Variants in KLRF2 observed in about 807,000 individuals in gnomAD.
The protein encoded by KLRF2 is killer cell lectin like receptor F2.
In KLRF2, 28 loss-of-function variants were observed where a neutral mutation model predicts 25.3. The ratio of observed to expected loss-of-function variants is 1.11; its 90% CI spans 0.82 to 1.52. The LOEUF (loss-of-function observed/expected upper bound fraction) is 1.52, where lower values mean the gene tolerates loss of function less well. KLRF2 is among the 40% of genes most tolerant of loss of function. The pLI is 0.00. For synonymous variants in KLRF2, 73 were observed against 85.0 expected, an observed-to-expected ratio of 0.86 and a Z score of 0.78; for missense variants, 265 against 245.8, an observed-to-expected ratio of 1.08 and a Z score of -0.52.
At chr12:9,888,208 A>C (rs907064373) in intron 2 of KLRF2, among the ~76,000 whole-genome samples, 4 of 151,898 alleles carry the variant, frequency 2.6e-5, no homozygotes, top group African/African-American at 9.7e-5. Context: ...TTAGAATTGC[A>C]GGCCGGGCAT....
chr12:9,890,411 C>T (rs1162253899), intron 3 of KLRF2, among the ~76,000 whole-genome samples: 1 of 152,176 alleles, frequency 6.6e-6, no homozygotes, highest in Non-Finnish European at 1.5e-5. Context: ...GGTTCCTCTT[C>T]CAAGCTCTCT....
At chr12:9,886,375 A>C (rs1040902466) in intron 2 of KLRF2, among the ~76,000 whole-genome samples, 4 of 152,334 alleles carry the variant, frequency 2.6e-5, no homozygotes, top group African/African-American at 7.2e-5. Flanking sequence ...TAAATTAATC[A>C]AAGCACATAG....
At chr12:9,883,812 C>T (rs1868120372) in intron 1 of KLRF2, among the ~76,000 whole-genome samples, 1 of 152,088 alleles carries the variant, frequency 6.6e-6, no homozygotes, top group Admixed American at 6.5e-5. Flanking sequence ...TAATCAAATG[C>T]AGTAAATCCA....
chr12:9,889,846 A>G (rs1358276164), intron 3 of KLRF2, among the ~76,000 whole-genome samples: 5 of 152,114 alleles, frequency 3.3e-5, no homozygotes, highest in African/African-American at 9.7e-5. Flanking sequence ...TTTATATGCT[A>G]TATCAATATA....
chr12:9,887,013 G>GA lies in KLRF2; in HGVS notation c.170-1712dup, dbSNP rs149388986. On this transcript the variant is annotated intron_variant, in intron 2 of 5. Transcript: ENST00000535540. ...TCCCGGAGCACAGAGCAAAATGTCA[G>GA]AAAAAAAACATAAATAAATATAAGA... Among the ~76,000 whole-genome samples the GA allele has an allele frequency of 2.4e-4, 36 of 149,546 alleles. No individual in the cohort carries two copies. The South Asian group carries it at 2.7e-3, about 11-fold the overall frequency.
Position 9,895,715 on chromosome 12 carries a change from A to G in KLRF2, c.506A>G (p.Asp169Gly). ...TTTTCAGTGATTGGACCAACTGATG[A>G]CAGGAGCTGTGCCGTTATCACAGGA... ...ELFSVIGPTD[D>G]RSCAVITGNW... is the part of the protein sequence containing the mutation. Residue 169 changes from aspartate to glycine, a missense_variant, in exon 6 of 6, where the codon GAC becomes GGC. Transcript: ENST00000535540. 1 of 1,534,790 alleles carries G rather than the reference A, an allele frequency of 6.5e-7. No homozygotes were observed. The highest frequency in any genetic ancestry group is 1.2e-5 in the South Asian group (1 of 83,696).
intron 3 of KLRF2, among the ~76,000 whole-genome samples, chr12:9,890,887 C>A (rs1862669098): frequency 6.6e-6 from 1 of 152,186 alleles, no homozygotes; most frequent in Non-Finnish European, 1.5e-5. Flanking sequence ...CAATTCCTAA[C>A]AAAGCTAGCA....
In KLRF2 at chr12:9,893,445, G is replaced by C; in HGVS notation, c.383G>C (p.Ser128Thr). 1.4e-6 allele frequency: 2 copies of C among 1,478,490 alleles called. No homozygotes were observed. The highest frequency in any genetic ancestry group is 1.8e-6 in the Non-Finnish European group (2 of 1,096,552). 91.6% of individuals were successfully genotyped at this position (1,478,490 alleles called of 1,614,324 possible). The change falls in exon 5 of 6, where the codon AGT (serine) becomes ACT (threonine). Residue 128 changes from serine (S) to threonine (T), a missense_variant. By Grantham distance (58) the Ser-to-Thr change is moderately conservative. Coordinates refer to ENST00000535540, the MANE Select transcript of KLRF2 (RefSeq NM_001190765.1). ...NLDELEFIQN[S>T]LKPGHFGWIG... ...CTTCTGCAGGAGTTCATACAGAACA[G>C]TTTAAAACCTGGACATTTTGGTTGG...
intron 5 of KLRF2, among the ~76,000 whole-genome samples, chr12:9,894,171 G>GTTTCTTTC (rs200285327): frequency 1.3e-5 from 1 of 78,598 alleles, no homozygotes; most frequent in Non-Finnish European, 2.5e-5. Flanking sequence ...TTCCTTCTTT[G>GTTTCTTTC]TTTCTTTCTT....
intron 5 of KLRF2, 112 bp from the exon 6 acceptor site, chr12:9,895,577 C>A (rs965258058): frequency 8.0e-6 from 8 of 996,392 alleles, no homozygotes; most frequent in Non-Finnish European, 1.1e-5. Flanking sequence ...AAAACCTCTG[C>A]AAAACTTTGG....
rs532198573 is a variant in KLRF2 at position 9,893,073 on chromosome 12, T to C, written c.271T>C (p.Trp91Arg). 3.9e-6 allele frequency: 6 copies of C among 1,535,766 alleles called. No individual in the cohort carries two copies. In the African/African-American group the frequency reaches 4.1e-5, roughly 10 times the overall value. Residue 91 changes from tryptophan (W) to arginine (R), a missense_variant, in exon 4 of 6, where the codon TGG (tryptophan) becomes CGG (arginine). Physicochemically the swap from Trp to Arg is moderately radical, Grantham distance 101. Coordinates refer to ENST00000535540, the MANE Select transcript of KLRF2 (RefSeq NM_001190765.1). ...DWLLNEGKCY[W>R]FSTSFKTWKE... The stretch of plus-strand genomic sequence containing the variant: ...GCTGTTGAACGAAGGGAAATGTTAC[T>C]GGTTTTCAACTTCTTTTAAAACGTG...
chr12:9,888,585 GGAA>G (rs1244586313), intron 2 of KLRF2, 145 bp from the exon 3 acceptor site: 2 of 476,496 alleles, frequency 4.2e-6, no homozygotes, highest in Non-Finnish European at 7.5e-6. Context: ...TTAAATCTGG[GGAA>G]GAAGAGGAGT....
intron 1 of KLRF2, among the ~76,000 whole-genome samples, chr12:9,884,639 C>T (rs951597018): frequency 6.7e-6 from 1 of 148,380 alleles, no homozygotes; most frequent in Admixed American, 6.8e-5. Flanking sequence ...ATATTTATAT[C>T]ATATATAATA....
chr12:9,893,634 T>C, intron 5 of KLRF2, 93 bp downstream of exon 5: 1 of 485,116 alleles, frequency 2.1e-6, no homozygotes, highest in Non-Finnish European at 3.5e-6. Context: ...TCCTTCTTTC[T>C]CTGTTTTCCC....
intron 3 of KLRF2, among the ~76,000 whole-genome samples, chr12:9,890,122 A>G (rs533568056): frequency 6.6e-6 from 1 of 152,278 alleles, no homozygotes; most frequent in Admixed American, 6.5e-5. Context: ...TAGTGACTAG[A>G]TATTATACCA....
chr12:9,893,118 TG>T lies in KLRF2; in HGVS notation c.317del (p.Cys106LeufsTer10), dbSNP rs1371836149. The T allele has an allele frequency of 1.3e-6, 2 of 1,535,694 alleles. No individual in the cohort carries two copies. Among genetic ancestry groups the T allele is most frequent in the Admixed American group, 3.9e-5 (2 of 50,972 alleles). On this transcript the variant is annotated frameshift_variant, in exon 4 of 6. Transcript: ENST00000535540. LOFTEE classifies it high-confidence loss of function. ...AACGTGGAAAGAGAGTCAACGTGAT[TG>T]TACACAGCTACAGGCACATTTACTG... The part of the protein sequence containing the change: ...FKTWKESQRD[C>X]TQLQAHLLVI...
In KLRF2 at chr12:9,884,982, G is replaced by A. The variant is rs1295371698; in HGVS notation, c.119G>A (p.Cys40Tyr). 5.2e-6 allele frequency: 7 copies of A among 1,349,760 alleles called. No homozygotes were observed. The highest frequency in any genetic ancestry group is 5.7e-6 in the Non-Finnish European group (6 of 1,045,092). 83.6% of individuals were successfully genotyped at this position (1,349,760 alleles called of 1,614,324 possible). A position where few individuals can be genotyped will look rare whatever the true frequency, so the allele number is the denominator to read the frequency against. The change falls in exon 2 of 6, where the codon TGC (cysteine) becomes TAC (tyrosine). Residue 40 changes from cysteine (C) to tyrosine (Y), a missense_variant. Physicochemically the swap from Cys to Tyr is radical, Grantham distance 194. Coordinates refer to ENST00000535540, the MANE Select transcript of KLRF2 (RefSeq NM_001190765.1). Reference protein sequence around the residue: ...QYYCLLLIFGCIVILIFIMTG... With the variant: ...QYYCLLLIFGYIVILIFIMTG... ...TATTGTCTTCTGCTCATATTTGGAT[G>A]CATTGTGATCCTTATATTCATTATG... is the stretch of plus-strand genomic sequence containing the variant.
chr12:9,892,620 T>G (rs983199311), intron 3 of KLRF2, among the ~76,000 whole-genome samples: 1 of 149,514 alleles, frequency 6.7e-6, no homozygotes, highest in Non-Finnish European at 1.5e-5. Flanking sequence ...GTTTCGCTCT[T>G]GTTGCCCAGG....
chr12:9,889,030 G>A (rs1333793334), intron 3 of KLRF2, among the ~76,000 whole-genome samples: 1 of 152,136 alleles, frequency 6.6e-6, no homozygotes, highest in Non-Finnish European at 1.5e-5. Flanking sequence ...GGATGATAGT[G>A]GATTTCCTGC....
Sources: gnomAD v4.1 joint callset for allele counts (sites outside exome capture counted in the v4.1 genomes callset) on GRCh38, gnomAD v4.1.1 for gene constraint, MANE v1.5 for transcripts, NCBI Gene and HGNC (gene_info 2026-07-23, HGNC 2026-07-21) for gene names.